SEPTIN14: variants seen among roughly 807,000 people sequenced by gnomAD.
The protein encoded by SEPTIN14 is septin-14.
In SEPTIN14, 40 loss-of-function variants were observed where a neutral mutation model predicts 53.6. The ratio of observed to expected loss-of-function variants is 0.75; its 90% CI spans 0.58 to 0.97. SEPTIN14 has a LOEUF of 0.97. Among genes scored for constraint, SEPTIN14 ranks in the 50% least tolerant of loss-of-function variants. The pLI, the probability that SEPTIN14 is intolerant of heterozygous loss-of-function variation, is 0.00. For synonymous variants in SEPTIN14, 138 were observed against 166.8 expected (o/e 0.83, Z 1.33); for missense variants, 471 against 508.2 (o/e 0.93, Z 0.70).
At chr7:55,830,488 C>T (rs1038595363) in intron 6 of SEPTIN14, among the ~76,000 whole-genome samples, 20 of 150,454 alleles carry the variant, frequency 1.3e-4, no homozygotes, top group African/African-American at 4.4e-4. Flanking sequence ...GGACTGGAGG[C>T]GCCTGCCACC....
At chr7:55,802,129 T>C (rs1438126875) in intron 9 of SEPTIN14, among the ~76,000 whole-genome samples, 4 of 151,654 alleles carry the variant, frequency 2.6e-5, no homozygotes, top group African/African-American at 9.7e-5. Context: ...CTCAGCCTCC[T>C]GAGTAGCCAG....
chr7:55,834,755 G>A (rs1244466251), intron 5 of SEPTIN14, among the ~76,000 whole-genome samples, 169 bp from the exon 6 acceptor site: 1 of 152,180 alleles, frequency 6.6e-6, no homozygotes, highest in Non-Finnish European at 1.5e-5. Flanking sequence ...CCACTCTCCT[G>A]CCTCAGCCTC....
At chr7:55,804,134 T>TAA (rs35467838) in intron 9 of SEPTIN14, among the ~76,000 whole-genome samples, 8,223 of 46,812 alleles carry the variant, frequency 0.18, 1,190 homozygotes, top group East Asian at 0.38. Flanking sequence ...AGACTCTGTC[T>TAA]AAAAAAAAAA....
In SEPTIN14 at chr7:55,805,459, G is replaced by A; in HGVS notation, c.987-69C>T. The stretch of plus-strand genomic sequence containing the variant: ...GAGGATCGCTTGAACCCAGGAGGCG[G>A]AGTTTGCAGAGAATCAAAATCGTGC... On this transcript the variant is annotated intron_variant, in intron 8 of 9. Transcript: ENST00000388975. The A allele has an allele frequency of 6.0e-6, 7 of 1,172,190 alleles. 1 individual carries two copies. The Middle Eastern group carries it at 8.2e-4, about 138-fold the overall frequency. 72.6% of individuals were successfully genotyped at this position (1,172,190 alleles called of 1,614,324 possible).
chr7:55,836,629 T>C (rs1369959752), intron 5 of SEPTIN14, among the ~76,000 whole-genome samples: 1 of 152,044 alleles, frequency 6.6e-6, no homozygotes, highest in Non-Finnish European at 1.5e-5. Flanking sequence ...TCCCAGCTAC[T>C]CAGGAGGCTG....
At chr7:55,839,391 GA>G (rs749527309) in intron 5 of SEPTIN14, among the ~76,000 whole-genome samples, 6,345 of 82,542 alleles carry the variant, frequency 0.077, 165 homozygotes, top group South Asian at 0.14. Flanking sequence ...CTCCGTCTCA[GA>G]AAAAAAAAAA....
intron 2 of SEPTIN14, among the ~76,000 whole-genome samples, chr7:55,852,620 T>C (rs1353428052): frequency 6.6e-6 from 1 of 152,126 alleles, no homozygotes; most frequent in African/African-American, 2.4e-5. Context: ...TCCAGGACAT[T>C]GACCTGGGCA....
intron 2 of SEPTIN14, among the ~76,000 whole-genome samples, chr7:55,861,741 G>A (rs1449803168): frequency 6.6e-6 from 1 of 151,906 alleles, no homozygotes; most frequent in African/African-American, 2.4e-5. Context: ...CAAGGTCATC[G>A]GACTCAAAAA....
chr7:55,808,663 A>G (rs1312505848), intron 7 of SEPTIN14, among the ~76,000 whole-genome samples: 1 of 151,984 alleles, frequency 6.6e-6, no homozygotes, highest in Non-Finnish European at 1.5e-5. Context: ...GTGATTCTCC[A>G]ACCTCAGCCT....
intron 6 of SEPTIN14, among the ~76,000 whole-genome samples, chr7:55,819,897 A>G (rs1210125893): frequency 6.6e-6 from 1 of 152,220 alleles, no homozygotes; most frequent in Non-Finnish European, 1.5e-5. Flanking sequence ...TCTGGTATAA[A>G]AGTTAAAAGA....
intron 2 of SEPTIN14, among the ~76,000 whole-genome samples, chr7:55,850,145 T>C (rs968222620): frequency 6.6e-6 from 1 of 152,172 alleles, no homozygotes; most frequent in Non-Finnish European, 1.5e-5. Context: ...TTTTTTCCAA[T>C]GTATTTTATG....
At chr7:55,802,345 T>C (rs1788535345) in intron 9 of SEPTIN14, among the ~76,000 whole-genome samples, 1 of 152,140 alleles carries the variant, frequency 6.6e-6, no homozygotes, top group Non-Finnish European at 1.5e-5. Flanking sequence ...AAGACATTAT[T>C]ACTCTGATAC....
rs199515573 is a variant in SEPTIN14, at chr7:55,795,943, A to T, written c.1269T>A (p.Asp423Glu). ...SEALQTQLST[D>E]TKKDKHRKK ...TCTTACGATGTTTGTCTTTCTTTGTATCGGTGCTCAGCTGAGTCTGCAGTG... is the reference window on the plus strand; with the variant it reads ...TCTTACGATGTTTGTCTTTCTTTGTTTCGGTGCTCAGCTGAGTCTGCAGTG... Residue 423 changes from aspartate to glutamate, a missense_variant, in exon 10 of 10, where the codon GAT (aspartate) becomes GAA (glutamate). Asp to Glu is a conservative substitution (Grantham distance 45). Transcript: ENST00000388975. 1.4e-4 allele frequency: 230 copies of T among 1,594,736 alleles called. 2 individuals are homozygous for T. The Middle Eastern group carries it at 5.9e-3, about 41-fold the overall frequency.
chr7:55,818,737 T>C (rs1327760116), intron 7 of SEPTIN14, among the ~76,000 whole-genome samples: 3 of 152,224 alleles, frequency 2.0e-5, no homozygotes, highest in Admixed American at 6.5e-5. Context: ...CATTAGGTAG[T>C]AATGAGTTTA....
intron 5 of SEPTIN14, among the ~76,000 whole-genome samples, chr7:55,838,035 A>C (rs1158655729): frequency 1.3e-5 from 2 of 152,240 alleles, no homozygotes; most frequent in African/African-American, 4.8e-5. Flanking sequence ...TGTATGGATA[A>C]ATCTGAGCTT....
chr7:55,833,320 A>C (rs1247182962), intron 6 of SEPTIN14, among the ~76,000 whole-genome samples: 1 of 151,922 alleles, frequency 6.6e-6, no homozygotes, highest in Non-Finnish European at 1.5e-5. Context: ...GTCTCAAAAA[A>C]AAAAGATCTC....
Position 55,807,263 on chromosome 7 carries a change from T to TA in SEPTIN14, c.818-6dup. The TA allele has an allele frequency of 1.3e-6, 2 of 1,556,414 alleles. No individual in the cohort carries two copies. Among genetic ancestry groups the TA allele is most frequent in the African/African-American group, 1.4e-5 (1 of 72,082 alleles). On this transcript the variant is annotated splice_polypyrimidine_tract_variant and splice_region_variant and intron_variant, in intron 7 of 9. Coordinates refer to ENST00000388975, the MANE Select transcript of SEPTIN14 (RefSeq NM_207366.3). ...CACAGTGATTTTCATTTTCCACTAG[T>TA]AAAAAAATAATAATGAATCAACAAC...
At chr7:55,825,374 T>C (rs1788964850) in intron 6 of SEPTIN14, among the ~76,000 whole-genome samples, 1 of 152,080 alleles carries the variant, frequency 6.6e-6, no homozygotes, top group Admixed American at 6.5e-5. Flanking sequence ...CAAGTACAGG[T>C]GATATTTAGG....
intron 9 of SEPTIN14, among the ~76,000 whole-genome samples, chr7:55,803,083 G>A (rs1400590701): frequency 2.0e-5 from 3 of 151,962 alleles, no homozygotes; most frequent in South Asian, 2.1e-4. Context: ...GACTACAGGC[G>A]TGTGCCACCA....
Sources: gnomAD v4.1 joint callset for allele counts (sites outside exome capture counted in the v4.1 genomes callset) on GRCh38, gnomAD v4.1.1 for gene constraint, MANE v1.5 for transcripts, NCBI Gene and HGNC (gene_info 2026-07-23, HGNC 2026-07-21) for gene names.